GDI2: variants seen among roughly 807,000 people sequenced by gnomAD.
GDI2 encodes the protein rab GDP dissociation inhibitor beta.
In GDI2, 22 loss-of-function variants were observed where a neutral mutation model predicts 54.2. That is an observed-to-expected ratio of 0.41 (90% CI 0.29 to 0.58). The LOEUF is 0.58. Ranked by LOEUF, GDI2 falls within the 20% of genes least tolerant of loss-of-function variation. The probability of loss-of-function intolerance (pLI) is 0.35; values close to 1 mark genes in which losing one functional copy is unlikely to be tolerated. For synonymous variants in GDI2, 177 were observed against 182.1 expected, an observed-to-expected ratio of 0.97 and a Z score of 0.23; for missense variants, 422 against 546.0, an observed-to-expected ratio of 0.77 and a Z score of 2.26.
chr10:5,785,939 G>GTGGTC lies in GDI2; in HGVS notation c.495_499dup (p.Thr167ArgfsTer18). On this transcript the variant is annotated frameshift_variant, in exon 5 of 11. Coordinates refer to ENST00000380191, the MANE Select transcript of GDI2 (RefSeq NM_001494.4). LOFTEE classifies it high-confidence loss of function. ...AAATTTCTTATACACATCTCGCATT[G>GTGGTC]TGGTCTTCTTAGGATCAATGCCTTC... is the stretch of plus-strand genomic sequence containing the variant. The GTGGTC allele has an allele frequency of 6.2e-7, 1 of 1,610,978 alleles. No individual in the cohort carries two copies. The highest frequency in any genetic ancestry group is 8.5e-7 in the Non-Finnish European group (1 of 1,177,184).
At chr10:5,775,180 C>T (rs1460433019) in intron 6 of GDI2, among the ~76,000 whole-genome samples, 1 of 152,174 alleles carries the variant, frequency 6.6e-6, no homozygotes, top group Non-Finnish European at 1.5e-5. Flanking sequence ...CCCAGCTACC[C>T]GGAATGCTGA....
chr10:5,802,500 G>C (rs1398562362), intron 1 of GDI2, among the ~76,000 whole-genome samples: 1 of 151,986 alleles, frequency 6.6e-6, no homozygotes, highest in African/African-American at 2.4e-5. Context: ...TCGGGAGGCT[G>C]AGGCAGGAGA....
chr10:5,790,302 C>T (rs1339407949), intron 4 of GDI2, among the ~76,000 whole-genome samples: 2 of 152,130 alleles, frequency 1.3e-5, no homozygotes, highest in East Asian at 3.8e-4. Context: ...TTCTTAAGGG[C>T]ACTGTCTTTT....
chr10:5,780,440 GA>G (rs898430328), intron 6 of GDI2, among the ~76,000 whole-genome samples: 101 of 152,130 alleles, frequency 6.6e-4, no homozygotes, highest in African/African-American at 2.1e-3. Context: ...GTAAGTGGGG[GA>G]AAAACACATA....
intron 1 of GDI2, among the ~76,000 whole-genome samples, chr10:5,806,792 T>A (rs1841388670): frequency 6.6e-6 from 1 of 152,214 alleles, no homozygotes; most frequent in East Asian, 1.9e-4. Flanking sequence ...AAATAAGTTA[T>A]GACACAGCAG....
At chr10:5,791,306 CATAAA>C (rs1841006995) in intron 4 of GDI2, among the ~76,000 whole-genome samples, 1 of 151,876 alleles carries the variant, frequency 6.6e-6, no homozygotes, top group Admixed American at 6.6e-5. Flanking sequence ...AAAATAAATA[CATAAA>C]ATAATAAATG....
intron 6 of GDI2, among the ~76,000 whole-genome samples, chr10:5,775,152 G>A (rs774146703): frequency 2.0e-5 from 3 of 152,142 alleles, no homozygotes; most frequent in Non-Finnish European, 1.5e-5. Context: ...ACCAGGCATG[G>A]TGGCACTCAT....
intron 4 of GDI2, among the ~76,000 whole-genome samples, chr10:5,786,297 A>G (rs544480261): frequency 6.7e-6 from 1 of 150,148 alleles, no homozygotes; most frequent in East Asian, 2.0e-4. Flanking sequence ...CAGCCTCCCG[A>G]GTAGCTGGGA....
chr10:5,790,053 G>A (rs979339737), intron 4 of GDI2, among the ~76,000 whole-genome samples: 4 of 152,200 alleles, frequency 2.6e-5, no homozygotes, highest in African/African-American at 9.6e-5. Context: ...CATAAACACT[G>A]AGTAAAACGT....
At chr10:5,784,750 AGTGTCT>A (rs1840835376) in intron 6 of GDI2, among the ~76,000 whole-genome samples, 1 of 152,120 alleles carries the variant, frequency 6.6e-6, no homozygotes, top group African/African-American at 2.4e-5. Flanking sequence ...GGTACTGGAG[AGTGTCT>A]GCAAAGAGTC....
At position 5,766,739 on chromosome 10, in the gene GDI2, C is replaced by T; in HGVS notation, c.992-101G>A. The stretch of plus-strand genomic sequence containing the variant: ...TGTCATGAGGTGTGAGTTAAAATTA[C>T]TCTCAATAGGCAAGATCTTCTACAC... On this transcript the variant is annotated intron_variant, in intron 8 of 10. Coordinates refer to ENST00000380191, the MANE Select transcript of GDI2 (RefSeq NM_001494.4). This position sits in a 1 kb window ranked among gnomAD's most constrained non-coding sequence, Gnocchi z 5.8. 2.3e-6 allele frequency: 2 copies of T among 863,458 alleles called. No homozygotes were observed. Among genetic ancestry groups the T allele is most frequent in the Non-Finnish European group, 1.9e-6 (1 of 531,736 alleles). 53.5% of individuals were successfully genotyped at this position (863,458 alleles called of 1,614,324 possible).
In GDI2 at chr10:5,768,088, T is replaced by C. The variant is rs1564387022; in HGVS notation, c.991+125A>G. The C allele has an allele frequency of 1.4e-6, 1 of 725,630 alleles. No homozygotes were observed. The highest frequency in any genetic ancestry group is 2.3e-6 in the Non-Finnish European group (1 of 429,566). 44.9% of individuals were successfully genotyped at this position (725,630 alleles called of 1,614,324 possible). ...GCAGGAGGAGGTACAAAGATTTTTT[T>C]CCCCCATATGTAAACCAAGGTCTGT... On this transcript the variant is annotated intron_variant, in intron 8 of 10. Transcript: ENST00000380191. This position sits in a 1 kb window ranked among gnomAD's most constrained non-coding sequence, Gnocchi z 4.4.
intron 2 of GDI2, among the ~76,000 whole-genome samples, chr10:5,798,175 A>G (rs888233662): frequency 2.0e-5 from 3 of 152,248 alleles, no homozygotes; most frequent in African/African-American, 4.8e-5. Flanking sequence ...TATAATTCAC[A>G]TGAATTGAAA....
intron 1 of GDI2, among the ~76,000 whole-genome samples, chr10:5,811,064 TTC>T (rs1170869531): frequency 6.6e-6 from 1 of 152,212 alleles, no homozygotes; most frequent in African/African-American, 2.4e-5. Context: ...CAAAAGTTAA[TTC>T]TGAGTGCTAA....
chr10:5,780,646 C>A (rs926211209), intron 6 of GDI2, among the ~76,000 whole-genome samples: 9 of 152,136 alleles, frequency 5.9e-5, no homozygotes, highest in South Asian at 2.1e-4. Context: ...AAAATTAAGA[C>A]AATTTCATTA....
intron 2 of GDI2, among the ~76,000 whole-genome samples, chr10:5,797,686 G>C (rs899455428): frequency 5.3e-5 from 8 of 150,678 alleles, no homozygotes; most frequent in African/African-American, 2.0e-4. Flanking sequence ...GTTGCAGTGA[G>C]CTGGGATGGC....
intron 2 of GDI2, among the ~76,000 whole-genome samples, chr10:5,797,714 T>A (rs1479191790): frequency 6.6e-6 from 1 of 151,512 alleles, no homozygotes; most frequent in Non-Finnish European, 1.5e-5. Context: ...TACTCCAGCC[T>A]GAGTGACAAA....
intron 1 of GDI2, among the ~76,000 whole-genome samples, chr10:5,803,147 T>G (rs1168366664): frequency 6.6e-6 from 1 of 152,220 alleles, no homozygotes; most frequent in Non-Finnish European, 1.5e-5. Context: ...AAACGTGAAA[T>G]ATTGATAGTC....
chr10:5,779,558 T>C (rs1293253396), intron 6 of GDI2, among the ~76,000 whole-genome samples: 2 of 150,200 alleles, frequency 1.3e-5, no homozygotes, highest in African/African-American at 2.5e-5. Flanking sequence ...ATCTAGACAG[T>C]ATAAAAAAAT....
Sources: allele counts gnomAD v4.1 joint callset (sites outside exome capture counted in the v4.1 genomes callset), GRCh38; gene constraint gnomAD v4.1.1; non-coding constraint Gnocchi (gnomAD v3.1); transcripts MANE v1.5; gene names NCBI Gene and HGNC (gene_info 2026-07-23, HGNC 2026-07-21).